Variants in ZSWIM2 observed in about 807,000 individuals in gnomAD.
ZSWIM2 encodes the protein E3 ubiquitin-protein ligase ZSWIM2.
ZSWIM2 carries 38 observed loss-of-function variants against 48.4 expected under a neutral mutation model. The ratio of observed to expected loss-of-function variants is 0.79; its 90% CI spans 0.61 to 1.03. ZSWIM2 has a LOEUF of 1.03. Ranked by LOEUF, ZSWIM2 falls within the 50% of genes least tolerant of loss-of-function variation. The pLI is 0.00. For synonymous variants in ZSWIM2, 240 were observed against 251.3 expected (o/e 0.96, Z 0.42); for missense variants, 776 against 730.2 (o/e 1.06, Z -0.72).
At chr2:186,835,411 T>C (rs888264340) in intron 5 of ZSWIM2, among the ~76,000 whole-genome samples, 1 of 152,146 alleles carries the variant, frequency 6.6e-6, no homozygotes, top group Non-Finnish European at 1.5e-5. Flanking sequence ...ATTATTGCCA[T>C]GAGAAATTTA....
At position 186,828,024 on chromosome 2, in the gene ZSWIM2, C is replaced by A. The variant is rs376715007; in HGVS notation, c.1862G>T (p.Ser621Ile). The A allele has an allele frequency of 3.1e-6, 5 of 1,609,008 alleles. No individual in the cohort carries two copies. In the South Asian group the frequency reaches 5.5e-5, roughly 18 times the overall value. ...TTCTATTATTAAAGATAGCTCAGTACTTTTTGTATTTACAGAGTGAGACAC... is the reference window on the plus strand; with the variant it reads ...TTCTATTATTAAAGATAGCTCAGTAATTTTTGTATTTACAGAGTGAGACAC... Reference protein sequence around the residue: ...QPVSHSVNTKSTELSLIIEGV... With the variant: ...QPVSHSVNTKITELSLIIEGV... Residue 621 changes from serine to isoleucine, a missense_variant, in exon 9 of 9, where the codon AGT becomes ATT. By Grantham distance (142) the Ser-to-Ile change is moderately radical (BLOSUM62 -2). Coordinates refer to ENST00000295131, the MANE Select transcript of ZSWIM2 (RefSeq NM_182521.3).
intron 2 of ZSWIM2, among the ~76,000 whole-genome samples, chr2:186,847,104 A>G (rs1040679469): frequency 1.3e-5 from 2 of 151,984 alleles, no homozygotes; most frequent in South Asian, 2.1e-4. Flanking sequence ...TTAGTACACT[A>G]TAAGTCCAGA....
chr2:186,829,331 A>C (rs1171546372), intron 8 of ZSWIM2, among the ~76,000 whole-genome samples: 1 of 152,154 alleles, frequency 6.6e-6, no homozygotes, highest in Non-Finnish European at 1.5e-5. Context: ...TATTATGCTG[A>C]TTCTAATGAG....
intron 2 of ZSWIM2, among the ~76,000 whole-genome samples, chr2:186,847,311 G>A (rs1272331343): frequency 6.6e-6 from 1 of 152,014 alleles, no homozygotes; most frequent in Non-Finnish European, 1.5e-5. Context: ...ATGTATACAT[G>A]TAGAAAATGG....
chr2:186,832,586 T>C (rs1691721476), intron 7 of ZSWIM2, among the ~76,000 whole-genome samples: 1 of 152,148 alleles, frequency 6.6e-6, no homozygotes, highest in African/African-American at 2.4e-5. Flanking sequence ...AAAAAGACTT[T>C]CTTCCCCCAA....
intron 3 of ZSWIM2, among the ~76,000 whole-genome samples, chr2:186,840,598 C>T (rs1691887297): frequency 6.6e-6 from 1 of 151,304 alleles, no homozygotes; most frequent in South Asian, 2.1e-4. Flanking sequence ...AACTGGGTGG[C>T]AATATGGAGA....
In ZSWIM2 at chr2:186,841,478, T is replaced by C. The variant is rs80023288; in HGVS notation, c.284-2309A>G. On this transcript the variant is annotated intron_variant, in intron 3 of 8. Transcript: ENST00000295131. ...AATCAGCAAAAGTATTCTGAAAACA[T>C]ATTTGGCAATACATGGGGGGGAGAC... Among the ~76,000 whole-genome samples, 763 of 151,454 alleles carry C rather than the reference T, an allele frequency of 5.0e-3. 6 individuals carry two copies. Among genetic ancestry groups the C allele is most frequent in the African/African-American group, 0.017 (701 of 41,480 alleles).
At chr2:186,834,114 T>C in intron 5 of ZSWIM2, 84 bp from the exon 6 acceptor site, 1 of 969,444 alleles carries the variant, frequency 1.0e-6, no homozygotes. Context: ...TGACCAAAAC[T>C]TCCTGGGAAC....
chr2:186,828,049 C>T lies in ZSWIM2; in HGVS notation c.1837G>A (p.Val613Met). ...RKCSHLSRQP[V>M]SHSVNTKSTE... ...CTTTTTGTATTTACAGAGTGAGACA[C>T]AGGCTGTCTTGATAGATGACTACAT... The change falls in exon 9 of 9, where the codon GTG becomes ATG. Residue 613 changes from valine (V) to methionine (M), a missense_variant. Coordinates refer to ENST00000295131, the MANE Select transcript of ZSWIM2 (RefSeq NM_182521.3). The T allele has an allele frequency of 6.2e-7, 1 of 1,613,002 alleles. No individual in the cohort carries two copies. Among genetic ancestry groups the T allele is most frequent in the Non-Finnish European group, 8.5e-7 (1 of 1,179,538 alleles).
intron 2 of ZSWIM2, among the ~76,000 whole-genome samples, chr2:186,844,959 G>A (rs1286462345): frequency 2.0e-5 from 3 of 151,620 alleles, no homozygotes; most frequent in Non-Finnish European, 3.0e-5. Flanking sequence ...AAAAAAGTAT[G>A]ATTAATGAAA....
intron 7 of ZSWIM2, among the ~76,000 whole-genome samples, chr2:186,830,945 T>A (rs1691688013): frequency 6.6e-6 from 1 of 152,300 alleles, no homozygotes; most frequent in East Asian, 1.9e-4. Flanking sequence ...ACTCTACAGA[T>A]ATATCCTCAC....
chr2:186,838,531 TTACTC>T (rs543163118), intron 4 of ZSWIM2, among the ~76,000 whole-genome samples: 408 of 150,156 alleles, frequency 2.7e-3, no homozygotes, highest in African/African-American at 9.6e-3. Flanking sequence ...AACACAGAAA[TTACTC>T]TACCCTTGTT....
chr2:186,834,207 A>T (rs1279918776), intron 5 of ZSWIM2, among the ~76,000 whole-genome samples, 177 bp from the exon 6 acceptor site: 1 of 152,148 alleles, frequency 6.6e-6, no homozygotes, highest in East Asian at 1.9e-4. Context: ...TACAAACTTA[A>T]CTTAAACTGC....
chr2:186,830,824 T>A (rs1003193222), intron 7 of ZSWIM2, among the ~76,000 whole-genome samples: 3 of 151,918 alleles, frequency 2.0e-5, no homozygotes, highest in African/African-American at 7.3e-5. Flanking sequence ...GAACAACAAA[T>A]CTTTAAGAGA....
intron 6 of ZSWIM2, among the ~76,000 whole-genome samples, chr2:186,833,552 G>A (rs576825819): frequency 4.6e-4 from 70 of 152,076 alleles, no homozygotes; most frequent in Non-Finnish European, 8.7e-4. Context: ...AATTATCCCA[G>A]TAAAGTTCCA....
chr2:186,830,396 G>A (rs1691677443), intron 7 of ZSWIM2, among the ~76,000 whole-genome samples: 2 of 151,984 alleles, frequency 1.3e-5, no homozygotes, highest in Admixed American at 1.3e-4. Flanking sequence ...AGAAAAAAAA[G>A]TTTTAAGTAG....
chr2:186,828,490 T>G lies in ZSWIM2; in HGVS notation c.1396A>C (p.Thr466Pro). ...QSPKDAYENTTIDNLCSIKLD... is the reference protein window; with the variant it reads ...QSPKDAYENTPIDNLCSIKLD... ...TTGATAGAGCATAGATTATCTATTG[T>G]TGTATTTTCATAGGCATCTTTTGGG... The change falls in exon 9 of 9, where the codon ACA becomes CCA. Residue 466 changes from threonine (T) to proline (P), a missense_variant. Transcript: ENST00000295131. The G allele has an allele frequency of 6.2e-7, 1 of 1,613,518 alleles. No homozygotes were observed. The highest frequency in any genetic ancestry group is 8.5e-7 in the Non-Finnish European group (1 of 1,179,682).
chr2:186,828,356 A>G lies in ZSWIM2; in HGVS notation c.1530T>C (p.Ser510=). The G allele has an allele frequency of 6.2e-7, 1 of 1,613,812 alleles. No individual in the cohort carries two copies. Among genetic ancestry groups the G allele is most frequent in the Non-Finnish European group, 8.5e-7 (1 of 1,179,824 alleles). Residue 510 remains serine, a synonymous_variant, in exon 9 of 9, where the codon TCT becomes TCC. Coordinates refer to ENST00000295131, the MANE Select transcript of ZSWIM2 (RefSeq NM_182521.3). ...LPTVSFGKIP[S]QTLLPPIVHK... ...GAACAATAGGAGGAAGCAGTGTTTG[A>G]GATGGTATTTTCCCAAATGACACAG...
In ZSWIM2 at chr2:186,839,076, T is replaced by G. The variant is rs1559114477; in HGVS notation, c.377A>C (p.Glu126Ala). ...VQTPQPGTNDENEHVEEDGYI... is the reference protein window; with the variant it reads ...VQTPQPGTNDANEHVEEDGYI... Reference sequence around the variant, plus strand: ...CCCATCTTCTTCAACATGTTCATTTTCGTCATTTGTTCCTGGTTGGGGAGT... The same window carrying G: ...CCCATCTTCTTCAACATGTTCATTTGCGTCATTTGTTCCTGGTTGGGGAGT... Residue 126 changes from glutamate (E) to alanine (A), a missense_variant, in exon 4 of 9, where the codon GAA (glutamate) becomes GCA (alanine). By Grantham distance (107) the Glu-to-Ala change is moderately radical. Coordinates refer to ENST00000295131, the MANE Select transcript of ZSWIM2 (RefSeq NM_182521.3). 1.2e-6 allele frequency: 2 copies of G among 1,612,096 alleles called. No individual in the cohort carries two copies. Among genetic ancestry groups the G allele is most frequent in the Admixed American group, 3.3e-5 (2 of 59,868 alleles).
Sources: allele counts gnomAD v4.1 joint callset (sites outside exome capture counted in the v4.1 genomes callset), GRCh38; gene constraint gnomAD v4.1.1; transcripts MANE v1.5; gene names NCBI Gene and HGNC (gene_info 2026-07-23, HGNC 2026-07-21).